Variants in CS observed in about 807,000 individuals in gnomAD.
CS encodes the protein citrate synthase, mitochondrial.
A neutral mutation model predicts 61.4 loss-of-function variants in CS; 13 were observed. The observed-to-expected ratio is 0.21, with a 90% CI of 0.14 to 0.34. CS has a LOEUF of 0.34. Ranked by LOEUF, CS falls within the 10% of genes least tolerant of loss-of-function variation. The pLI, the probability that CS is intolerant of heterozygous loss-of-function variation, is 1.00. For missense variants in CS, 278 were observed against 573.4 expected (o/e 0.48, Z 5.26); for synonymous variants, 159 against 215.2 (o/e 0.74, Z 2.29).
intron 1 of CS, among the ~76,000 whole-genome samples, chr12:56,292,967 T>A (rs1873178898): frequency 6.6e-6 from 1 of 151,672 alleles, no homozygotes; most frequent in Non-Finnish European, 1.5e-5. Context: ...AAGTGCTATT[T>A]CTTTACAGCA....
chr12:56,294,453 G>A (rs184104056), intron 1 of CS, among the ~76,000 whole-genome samples: 6,075 of 121,126 alleles, frequency 0.05, 206 homozygotes, highest in Non-Finnish European at 0.069. Context: ...CAGCCTGGGC[G>A]ACAGAGCAAG....
At chr12:56,284,959 T>TC (rs1200088805) in intron 3 of CS, among the ~76,000 whole-genome samples, 6 of 150,176 alleles carry the variant, frequency 4.0e-5, no homozygotes, top group Non-Finnish European at 3.0e-5. Flanking sequence ...TTTTTTTTTT[T>TC]CCCCCCAGAT....
chr12:56,276,266 G>A lies in CS; in HGVS notation c.589-71C>T, dbSNP rs750215519. 3.4e-5 allele frequency: 49 copies of A among 1,457,912 alleles called. No homozygotes were observed. In the Middle Eastern group the frequency reaches 5.2e-4, roughly 16 times the overall value. 90.3% of individuals were successfully genotyped at this position (1,457,912 alleles called of 1,614,324 possible). On this transcript the variant is annotated intron_variant, in intron 6 of 10. Transcript: ENST00000351328. Reference sequence around the variant, plus strand: ...CAAAGAAGAATTAGGCAGGGATATCGTCTGTCCTCCATGAATTGGGGCTAT... The same window carrying A: ...CAAAGAAGAATTAGGCAGGGATATCATCTGTCCTCCATGAATTGGGGCTAT...
intron 8 of CS, 46 bp downstream of exon 8, chr12:56,274,956 G>C: frequency 6.2e-7 from 1 of 1,611,070 alleles, no homozygotes; most frequent in South Asian, 1.1e-5. Flanking sequence ...AACAAAGCAT[G>C]GGGTAAGGAA....
intron 7 of CS, 76 bp from the exon 8 acceptor site, chr12:56,275,207 T>C: frequency 6.4e-7 from 1 of 1,574,154 alleles, no homozygotes. Flanking sequence ...TTCTCTTATT[T>C]GCCACTTACT....
At chr12:56,283,394 C>A (rs533224154) in intron 4 of CS, among the ~76,000 whole-genome samples, 1 of 152,196 alleles carries the variant, frequency 6.6e-6, no homozygotes, top group South Asian at 2.1e-4. Context: ...CAGGTGCCTG[C>A]CACCATGCCC....
chr12:56,280,440 A>AAAAACCC lies in CS; in HGVS notation c.588+1979_588+1980insGGGTTTT, dbSNP rs1555162655. On this transcript the variant is annotated intron_variant, in intron 6 of 10. Transcript: ENST00000351328. ...CCAAAAAAAACAAAAAAAAAAAACA[A>AAAAACCC]AAAAATTAGCCAGGAGTGGTGGTGT... Among the ~76,000 whole-genome samples, 126 of 119,878 alleles carry AAAAACCC rather than the reference A, an allele frequency of 1.1e-3. 4 individuals are homozygous for AAAAACCC. The highest frequency in any genetic ancestry group is 1.8e-3 in the Non-Finnish European group (107 of 58,920). 78.6% of individuals were successfully genotyped at this position (119,878 alleles called of 152,430 possible).
intron 1 of CS, among the ~76,000 whole-genome samples, chr12:56,296,820 C>G (rs941868185): frequency 5.9e-5 from 9 of 152,184 alleles, no homozygotes; most frequent in Non-Finnish European, 1.0e-4. Context: ...AAGGCTTCCC[C>G]TGCCATTCTA....
chr12:56,290,182 C>G (rs1268828215), intron 1 of CS, among the ~76,000 whole-genome samples: 2 of 151,982 alleles, frequency 1.3e-5, no homozygotes, highest in Non-Finnish European at 2.9e-5. Context: ...AGGTATGAGC[C>G]ACAGTGCCCG....
intron 3 of CS, among the ~76,000 whole-genome samples, chr12:56,284,639 C>T (rs563787605): frequency 6.7e-6 from 1 of 149,220 alleles, no homozygotes; most frequent in East Asian, 2.0e-4. Flanking sequence ...CAGTGGCTCA[C>T]GCCTGTAATC....
At chr12:56,273,945 C>T in intron 9 of CS, 149 bp from the exon 10 acceptor site, 1 of 666,904 alleles carries the variant, frequency 1.5e-6, no homozygotes, top group Non-Finnish European at 2.7e-6. Context: ...GCAATTCTCC[C>T]ACTTCAGCCT....
At chr12:56,297,015 G>A (rs982764295) in intron 1 of CS, among the ~76,000 whole-genome samples, 6 of 152,168 alleles carry the variant, frequency 3.9e-5, no homozygotes, top group African/African-American at 1.4e-4. Context: ...TTGTACAGTG[G>A]TATAAGTCCA....
intron 1 of CS, among the ~76,000 whole-genome samples, chr12:56,296,015 T>C (rs989370044): frequency 2.7e-5 from 4 of 148,796 alleles, no homozygotes; most frequent in East Asian, 2.0e-4. Flanking sequence ...CCTGACACTT[T>C]AGGGATTTAC....
intron 1 of CS, 88 bp downstream of exon 1, chr12:56,300,072 G>T: frequency 7.4e-7 from 1 of 1,348,208 alleles, no homozygotes; most frequent in Non-Finnish European, 1.0e-6. Flanking sequence ...GGTGCGCACG[G>T]GTGTGGGAGG....
chr12:56,290,620 T>A (rs535145855), intron 1 of CS, among the ~76,000 whole-genome samples: 52 of 152,288 alleles, frequency 3.4e-4, no homozygotes, highest in African/African-American at 1.2e-3. Context: ...AGCAATTCAT[T>A]GGTAAGATTG....
At chr12:56,292,882 C>T (rs566124707) in intron 1 of CS, among the ~76,000 whole-genome samples, 29 of 151,584 alleles carry the variant, frequency 1.9e-4, no homozygotes, top group African/African-American at 6.1e-4. Flanking sequence ...CCAGCCTGGG[C>T]GACAGAGTGA....
intron 6 of CS, among the ~76,000 whole-genome samples, chr12:56,280,550 C>A (rs1872751971): frequency 6.6e-6 from 1 of 151,642 alleles, no homozygotes; most frequent in Admixed American, 6.6e-5. Flanking sequence ...TCACTTGAGT[C>A]CAGGAGTTCA....
rs967920617 is a variant in CS at position 56,295,585 on chromosome 12, T to C, written c.42+4575A>G. Among the ~76,000 whole-genome samples the C allele has an allele frequency of 4.6e-5, 7 of 152,074 alleles. 2 individuals carry two copies. The highest frequency in any genetic ancestry group is 4.6e-4 in the Admixed American group (7 of 15,244). On this transcript the variant is annotated intron_variant, in intron 1 of 10. Transcript: ENST00000351328. ...TGTACACTAAGTATATACTAGTGAATAAAGAATATAGGATCTGTCATCATA... is the reference window on the plus strand; with the variant it reads ...TGTACACTAAGTATATACTAGTGAACAAAGAATATAGGATCTGTCATCATA...
At chr12:56,283,017 A>G in intron 4 of CS, 26 bp from the exon 5 acceptor site, 1 of 1,613,294 alleles carries the variant, frequency 6.2e-7, no homozygotes, top group Non-Finnish European at 8.5e-7. Context: ...AGAGAATTAC[A>G]ACTCAAGTTT....
Sources: allele counts gnomAD v4.1 joint callset (sites outside exome capture counted in the v4.1 genomes callset), GRCh38; gene constraint gnomAD v4.1.1; transcripts MANE v1.5; gene names NCBI Gene and HGNC (gene_info 2026-07-23, HGNC 2026-07-21).